Variants in TIAM1 observed in about 807,000 individuals in gnomAD.
The protein encoded by TIAM1 is rho guanine nucleotide exchange factor TIAM1.
In TIAM1, 65 loss-of-function variants were observed where a neutral mutation model predicts 163.5. The observed-to-expected ratio is 0.40, with a 90% CI of 0.33 to 0.49. The LOEUF is 0.49. Ranked by LOEUF, TIAM1 falls within the 20% of genes least tolerant of loss-of-function variation. TIAM1 has a pLI of 0.77. For synonymous variants in TIAM1, 833 were observed against 810.1 expected (o/e 1.03, Z -0.48); for missense variants, 1,789 against 2,044.7 (o/e 0.87, Z 2.41).
chr21:31,165,044 T>C lies in TIAM1; in HGVS notation c.2909A>G (p.Gln970Arg), dbSNP rs758608023. The C allele has an allele frequency of 1.2e-6, 2 of 1,614,114 alleles. No individual in the cohort carries two copies. Among genetic ancestry groups the C allele is most frequent in the South Asian group, 1.1e-5 (1 of 91,086 alleles). The change falls in exon 16 of 28, where the codon CAG (glutamine) becomes CGG (arginine). Residue 970 changes from glutamine (Q) to arginine (R), a missense_variant. By Grantham distance (43) the Gln-to-Arg change is conservative (BLOSUM62 1). Coordinates refer to ENST00000541036, the MANE Select transcript of TIAM1 (RefSeq NM_001353694.2). ...TGGAGCGGTCTCAGCACTGCTGCCCTGCTCGCTGCAAAGGCTGTGCCCTGT... is the reference window on the plus strand; with the variant it reads ...TGGAGCGGTCTCAGCACTGCTGCCCCGCTCGCTGCAAAGGCTGTGCCCTGT... ...SNPGHSLCSE[Q>R]GSSAETAPEE...
intron 4 of TIAM1, among the ~76,000 whole-genome samples, chr21:31,265,589 G>A (rs1441372397): frequency 7.9e-5 from 12 of 151,248 alleles, no homozygotes; most frequent in Admixed American, 6.0e-4. Context: ...AGGAGTTGCC[G>A]ACTAACCTCC....
chr21:31,140,457 G>A (rs924277981), intron 22 of TIAM1, among the ~76,000 whole-genome samples: 2 of 152,138 alleles, frequency 1.3e-5, no homozygotes, highest in African/African-American at 4.8e-5. Context: ...AATAATAATT[G>A]TATGTATTCA....
At chr21:31,505,391 A>T (rs541928854) in intron 1 of TIAM1, among the ~76,000 whole-genome samples, 1 of 152,356 alleles carries the variant, frequency 6.6e-6, no homozygotes, top group Non-Finnish European at 1.5e-5. Context: ...TAAAACTAGA[A>T]GACCTGGAAA....
At chr21:31,517,973 A>G (rs1297329852) in intron 1 of TIAM1, among the ~76,000 whole-genome samples, 1 of 152,218 alleles carries the variant, frequency 6.6e-6, no homozygotes, top group Non-Finnish European at 1.5e-5. Context: ...ATGAGCTCTC[A>G]GCCCTCACCG....
chr21:31,401,558 C>T (rs919226819), intron 2 of TIAM1, among the ~76,000 whole-genome samples: 1 of 152,222 alleles, frequency 6.6e-6, no homozygotes, highest in Admixed American at 6.5e-5. Context: ...GACCACCCAT[C>T]ATACATACAC....
chr21:31,251,173 C>T (rs1212737975), intron 5 of TIAM1, among the ~76,000 whole-genome samples: 1 of 152,150 alleles, frequency 6.6e-6, no homozygotes, highest in Non-Finnish European at 1.5e-5. Flanking sequence ...TTTTTTGGAA[C>T]TCATCCTTTG....
At chr21:31,417,072 G>C (rs1261262286) in intron 2 of TIAM1, among the ~76,000 whole-genome samples, 2 of 152,000 alleles carry the variant, frequency 1.3e-5, no homozygotes, top group East Asian at 1.9e-4. Flanking sequence ...GCCCAGGCTG[G>C]AGCGCAATGG....
chr21:31,550,926 T>C (rs2048663102), intron 1 of TIAM1, among the ~76,000 whole-genome samples: 5 of 152,098 alleles, frequency 3.3e-5, no homozygotes, highest in Admixed American at 3.3e-4. Context: ...TCAAGAACCA[T>C]AAGGCCAGGC....
chr21:31,180,959 T>A (rs926041005), intron 15 of TIAM1, among the ~76,000 whole-genome samples: 1 of 152,242 alleles, frequency 6.6e-6, no homozygotes, highest in African/African-American at 2.4e-5. Flanking sequence ...TCCAACTTCC[T>A]TAGCAAGCCA....
intron 1 of TIAM1, among the ~76,000 whole-genome samples, chr21:31,492,129 GAA>G (rs758298051): frequency 6.6e-6 from 1 of 152,170 alleles, no homozygotes; most frequent in Non-Finnish European, 1.5e-5. Context: ...CAGAGAGAGA[GAA>G]AGAGAGGAAA....
At chr21:31,201,095 T>C (rs563634290) in intron 12 of TIAM1, among the ~76,000 whole-genome samples, 1 of 152,174 alleles carries the variant, frequency 6.6e-6, no homozygotes, top group Non-Finnish European at 1.5e-5. Context: ...GTGAAAAATA[T>C]GAGGAACATG....
At chr21:31,361,998 T>C (rs759338268) in intron 2 of TIAM1, among the ~76,000 whole-genome samples, 3 of 151,958 alleles carry the variant, frequency 2.0e-5, no homozygotes, top group Non-Finnish European at 2.9e-5. Flanking sequence ...ATGACTGACA[T>C]AAAAACATGT....
At chr21:31,338,705 C>T (rs143567677) in intron 2 of TIAM1, among the ~76,000 whole-genome samples, 2,911 of 152,248 alleles carry the variant, frequency 0.019, 44 homozygotes, top group Middle Eastern at 0.048. Flanking sequence ...GCACGGCGAC[C>T]TCTTGATCCA....
intron 2 of TIAM1, among the ~76,000 whole-genome samples, chr21:31,303,626 A>C (rs927078115): frequency 6.6e-6 from 1 of 152,194 alleles, no homozygotes; most frequent in Non-Finnish European, 1.5e-5. Context: ...ATAATTTTCA[A>C]AACAAAAAAG....
At chr21:31,167,025 C>T (rs1601385957) in intron 15 of TIAM1, among the ~76,000 whole-genome samples, 1 of 152,012 alleles carries the variant, frequency 6.6e-6, no homozygotes, top group African/African-American at 2.4e-5. Flanking sequence ...CACATCCCAT[C>T]GCTCACAATG....
chr21:31,230,500 C>T (rs2088348812), intron 6 of TIAM1, among the ~76,000 whole-genome samples: 1 of 152,092 alleles, frequency 6.6e-6, no homozygotes, highest in South Asian at 2.1e-4. Context: ...GAAAGCCAGG[C>T]TGCAGAGTCA....
At chr21:31,320,866 C>T (rs2075287482) in intron 2 of TIAM1, among the ~76,000 whole-genome samples, 2 of 152,168 alleles carry the variant, frequency 1.3e-5, no homozygotes, top group African/African-American at 4.8e-5. Context: ...GTGGCACACA[C>T]CTGTAATCCC....
chr21:31,343,268 A>G (rs2076072337), intron 1 of TIAM1, among the ~76,000 whole-genome samples: 1 of 152,240 alleles, frequency 6.6e-6, no homozygotes, highest in South Asian at 2.1e-4. Context: ...AAAGCTACAC[A>G]GGCCAAATGG....
intron 2 of TIAM1, among the ~76,000 whole-genome samples, chr21:31,399,337 G>A (rs1034737775): frequency 2.6e-5 from 4 of 151,706 alleles, no homozygotes; most frequent in South Asian, 2.1e-4. Context: ...ATTTCAAACC[G>A]ATTTTGATTT....
Sources: allele counts gnomAD v4.1 joint callset (sites outside exome capture counted in the v4.1 genomes callset), GRCh38; gene constraint gnomAD v4.1.1; transcripts MANE v1.5; gene names NCBI Gene and HGNC (gene_info 2026-07-23, HGNC 2026-07-21).